GPHN: variants seen among roughly 807,000 people sequenced by gnomAD.
The protein encoded by GPHN is gephyrin.
A neutral mutation model predicts 95.5 loss-of-function variants in GPHN; 17 were observed. That is an observed-to-expected ratio of 0.18 (90% CI 0.12 to 0.27). GPHN has a LOEUF of 0.27. Among genes scored for constraint, GPHN ranks in the 10% least tolerant of loss-of-function variants. The pLI is 1.00. For missense variants in GPHN, 660 were observed against 978.1 expected (o/e 0.67, Z 4.34); for synonymous variants, 320 against 322.5 (o/e 0.99, Z 0.08).
intron 20 of GPHN, among the ~76,000 whole-genome samples, chr14:67,167,126 T>C (rs556117022): frequency 8.5e-5 from 13 of 152,324 alleles, no homozygotes; most frequent in African/African-American, 3.1e-4. Flanking sequence ...ATGCTCACTA[T>C]TGTAAAAATC....
the GPHN span, among the ~76,000 whole-genome samples, chr14:67,518,857 G>A: frequency 2.0e-5 from 3 of 152,176 alleles, no homozygotes; most frequent in South Asian, 2.1e-4. Flanking sequence ...CCTGCAGCCC[G>A]ATCAGAAAGG....
rs1337098002 is a variant in GPHN, at chr14:66,508,246, C to T, written c.-282C>T. 5.4e-6 allele frequency: 3 copies of T among 554,600 alleles called. No homozygotes were observed. Among genetic ancestry groups the T allele is most frequent in the East Asian group, 3.1e-5 (1 of 32,364 alleles). 34.4% of individuals were successfully genotyped at this position (554,600 alleles called of 1,614,324 possible). ...CGTTCTGCCGCCTCCGCGCGCTCTC[C>T]CCGTGCGGCCACCGCGCCCCCCAAG... On this transcript the variant is annotated 5_prime_UTR_variant, in exon 1 of 23. Coordinates refer to ENST00000478722, the MANE Select transcript of GPHN (RefSeq NM_020806.5).
At chr14:67,302,256 A>G in the GPHN span, 1 of 1,131,474 alleles carries the variant, frequency 8.8e-7, no homozygotes, top group Non-Finnish European at 1.2e-6. Flanking sequence ...CAACTTTTAA[A>G]TCTAATTACA....
At chr14:66,656,437 A>G (rs958568391) in intron 1 of GPHN, among the ~76,000 whole-genome samples, 1 of 152,226 alleles carries the variant, frequency 6.6e-6, no homozygotes, top group East Asian at 1.9e-4. Flanking sequence ...GTCGGTAGTG[A>G]TATCTCTCCT....
chr14:66,667,775 A>G (rs1191411178), intron 1 of GPHN, among the ~76,000 whole-genome samples: 6 of 152,252 alleles, frequency 3.9e-5, no homozygotes, highest in Non-Finnish European at 8.8e-5. Context: ...GTCGAAAGCA[A>G]TTACAGTCAA....
chr14:66,529,134 T>C (rs1450701453), intron 1 of GPHN, among the ~76,000 whole-genome samples: 1 of 152,202 alleles, frequency 6.6e-6, no homozygotes, highest in Non-Finnish European at 1.5e-5. Context: ...GTTAACATAG[T>C]CCCATATTTC....
the GPHN span, chr14:67,454,424 CGCTAACT>C: frequency 6.6e-6 from 1 of 152,222 alleles, no homozygotes; most frequent in Non-Finnish European, 1.5e-5. Flanking sequence ...CTTCATGTGA[CGCTAACT>C]GCATGGCATC....
In GPHN at chr14:66,574,882, T is replaced by C. The variant is rs1595042759; in HGVS notation, c.64+66291T>C. On this transcript the variant is annotated intron_variant, in intron 1 of 22. Coordinates refer to ENST00000478722, the MANE Select transcript of GPHN (RefSeq NM_020806.5). ...TCTCTGGCCTTTGTACTTCAAGAGT[T>C]ACACCCCTCCCCTGTCCTATGTTTT... is the stretch of plus-strand genomic sequence containing the variant. Among the ~76,000 whole-genome samples the C allele has an allele frequency of 2.6e-5, 4 of 152,320 alleles. 1 individual carries two copies. In the South Asian group the frequency reaches 8.3e-4, roughly 32 times the overall value.
chr14:67,229,345 T>C, the GPHN span, among the ~76,000 whole-genome samples: 4 of 152,204 alleles, frequency 2.6e-5, no homozygotes, highest in Non-Finnish European at 5.9e-5. Context: ...ATCTCTTATC[T>C]CCATCTTTCC....
chr14:67,465,438 TGTCG>T, the GPHN span, among the ~76,000 whole-genome samples: 6 of 128,660 alleles, frequency 4.7e-5, no homozygotes, highest in Non-Finnish European at 9.4e-5. Flanking sequence ...CTCGCTAAGG[TGTCG>T]AGCTTGATCC....
chr14:66,777,695 G>C (rs572120760), intron 3 of GPHN, among the ~76,000 whole-genome samples: 1 of 152,126 alleles, frequency 6.6e-6, no homozygotes, highest in Non-Finnish European at 1.5e-5. Flanking sequence ...ATGTAATCCA[G>C]CATATAAACA....
chr14:67,555,781 A>G, the GPHN span: 51 of 1,607,840 alleles, frequency 3.2e-5, no homozygotes, highest in South Asian at 6.7e-5. Flanking sequence ...TGTTCACAGT[A>G]GGGACATGGC....
Position 67,143,444 on chromosome 14 carries a change from GA to G in GPHN, c.1835del (p.Lys612ArgfsTer23). 1.0e-5 allele frequency: 16 copies of G among 1,564,108 alleles called. No homozygotes were observed. The highest frequency in any genetic ancestry group is 1.4e-5 in the African/African-American group (1 of 74,022). On this transcript the variant is annotated frameshift_variant, in exon 18 of 23. Transcript: ENST00000478722. LOFTEE classifies it high-confidence loss of function. ...CACATCAGGGGGTGTATCCATGGGG[GA>G]AAAGGTATGAAAGATAGGGCTCGTG... is the stretch of plus-strand genomic sequence containing the variant. ...IITSGGVSMG[E>X]KDYLKQVLDI...
At chr14:66,568,166 G>A (rs1330726494) in intron 1 of GPHN, among the ~76,000 whole-genome samples, 1 of 152,094 alleles carries the variant, frequency 6.6e-6, no homozygotes, top group Non-Finnish European at 1.5e-5. Flanking sequence ...TGTTATTAGA[G>A]CATTAATTTT....
chr14:67,661,363 G>A, the GPHN span, among the ~76,000 whole-genome samples: 6 of 149,002 alleles, frequency 4.0e-5, no homozygotes, highest in African/African-American at 7.4e-5. Flanking sequence ...TTCAGTAAAC[G>A]GAACCAACTT....
the GPHN span, among the ~76,000 whole-genome samples, chr14:67,244,584 C>T: frequency 1.3e-5 from 2 of 152,182 alleles, no homozygotes; most frequent in Non-Finnish European, 2.9e-5. Flanking sequence ...AGAACAGTTC[C>T]ATCACCTATC....
At chr14:66,682,393 A>G (rs2066991118) in intron 2 of GPHN, among the ~76,000 whole-genome samples, 1 of 152,238 alleles carries the variant, frequency 6.6e-6, no homozygotes, top group Non-Finnish European at 1.5e-5. Flanking sequence ...GAGTTCTACT[A>G]TCCTTATGGA....
chr14:67,637,774 G>C, the GPHN span, among the ~76,000 whole-genome samples: 5 of 152,186 alleles, frequency 3.3e-5, no homozygotes, highest in African/African-American at 1.2e-4. Flanking sequence ...TTCATATTTT[G>C]TTCTTAAAGG....
the GPHN span, chr14:67,562,817 G>T: frequency 6.2e-7 from 1 of 1,613,818 alleles, no homozygotes; most frequent in Admixed American, 1.7e-5. Flanking sequence ...GAGCCCAAAG[G>T]CCCTTGGAGC....
Sources: gnomAD v4.1 joint callset for allele counts (sites outside exome capture counted in the v4.1 genomes callset) on GRCh38, gnomAD v4.1.1 for gene constraint, MANE v1.5 for transcripts, NCBI Gene and HGNC (gene_info 2026-07-23, HGNC 2026-07-21) for gene names.